Variants in EYS observed in about 807,000 individuals in gnomAD.
EYS encodes protein eyes shut homolog.
EYS carries 250 observed loss-of-function variants against 282.1 expected under a neutral mutation model. That is an observed-to-expected ratio of 0.89 (90% CI 0.80 to 0.98). The LOEUF is 0.98. Ranked by LOEUF, EYS falls within the 50% of genes least tolerant of loss-of-function variation. The pLI is 0.00. For synonymous variants in EYS, 1,355 were observed against 1,282.9 expected (o/e 1.06, Z -1.20); for missense variants, 4,016 against 3,709.0 (o/e 1.08, Z -2.15).
In EYS at chr6:65,405,354, C is replaced by T; in HGVS notation, c.876G>A (p.Glu292=). ...GAGAAACACAAGGTTTTGCTGACAC[C>T]TCACAGAATGGACCTTAAAAAAATC... is the stretch of plus-strand genomic sequence containing the variant. ...CDEQFSGPFC[E]VSAKPCVSLL... The change falls in exon 6 of 43, where the codon GAG becomes GAA. Residue 292 remains glutamate, a synonymous_variant. Transcript: ENST00000503581. 1.2e-6 allele frequency: 2 copies of T among 1,606,898 alleles called. No homozygotes were observed. Among genetic ancestry groups the T allele is most frequent in the Non-Finnish European group, 1.7e-6 (2 of 1,177,060 alleles).
intron 26 of EYS, among the ~76,000 whole-genome samples, chr6:64,460,533 T>C (rs111999065): frequency 0.02 from 3,116 of 152,328 alleles, 87 homozygotes; most frequent in African/African-American, 0.063. Flanking sequence ...GTCACATAGA[T>C]TCCTTATGCT....
At chr6:63,960,442 T>C (rs1766009604) in intron 35 of EYS, among the ~76,000 whole-genome samples, 1 of 152,212 alleles carries the variant, frequency 6.6e-6, no homozygotes, top group Non-Finnish European at 1.5e-5. Context: ...TGAATATTGT[T>C]GAAATGATGA....
chr6:63,722,277 C>T (rs980172613), intron 42 of EYS, among the ~76,000 whole-genome samples: 1 of 152,054 alleles, frequency 6.6e-6, no homozygotes, highest in Admixed American at 6.6e-5. Context: ...CGCCTGTTTT[C>T]TAGGAACACT....
chr6:65,452,627 C>T (rs1764446909), intron 5 of EYS, among the ~76,000 whole-genome samples: 1 of 152,040 alleles, frequency 6.6e-6, no homozygotes, highest in African/African-American at 2.4e-5. Context: ...TTGCAGACTA[C>T]TGCTAAAGTC....
chr6:63,872,399 T>A (rs2149713226), intron 35 of EYS, among the ~76,000 whole-genome samples: 2 of 151,888 alleles, frequency 1.3e-5, no homozygotes, highest in African/African-American at 4.8e-5. Flanking sequence ...TATGTGTGTC[T>A]TCTGATTTGT....
rs562431229 is a variant in EYS at position 65,181,198 on chromosome 6, T to C, written c.2023+114665A>G. On this transcript the variant is annotated intron_variant, in intron 12 of 42. Coordinates refer to ENST00000503581, the MANE Select transcript of EYS (RefSeq NM_001142800.2). Reference sequence around the variant, plus strand: ...AAAGCAATGGCAACAAAAGCCAAAATTGACAAATGGGATCTAATTAAACTA... The same window carrying C: ...AAAGCAATGGCAACAAAAGCCAAAACTGACAAATGGGATCTAATTAAACTA... Among the ~76,000 whole-genome samples, 8 of 152,156 alleles carry C rather than the reference T, an allele frequency of 5.3e-5. No individual in the cohort carries two copies. In the East Asian group the frequency reaches 1.4e-3, roughly 26 times the overall value.
chr6:65,504,664 T>G (rs2127280421), intron 2 of EYS, among the ~76,000 whole-genome samples: 1 of 151,706 alleles, frequency 6.6e-6, no homozygotes, highest in African/African-American at 2.4e-5. Context: ...ATAAAAAATT[T>G]TTCCTTTAGA....
chr6:65,684,410 G>C (rs1768934615), intron 1 of EYS, among the ~76,000 whole-genome samples: 1 of 151,912 alleles, frequency 6.6e-6, no homozygotes, highest in Non-Finnish European at 1.5e-5. Context: ...AAAGCCAAAC[G>C]TGGGAGCACG....
intron 12 of EYS, among the ~76,000 whole-genome samples, chr6:65,274,762 T>C (rs1171396482): frequency 1.3e-5 from 2 of 152,136 alleles, no homozygotes; most frequent in East Asian, 3.9e-4. Flanking sequence ...GTAAGACATT[T>C]ACATATCAGA....
At chr6:64,703,184 G>A (rs1417019505) in intron 22 of EYS, among the ~76,000 whole-genome samples, 1 of 151,648 alleles carries the variant, frequency 6.6e-6, no homozygotes, top group African/African-American at 2.4e-5. Context: ...AGAGCAGGTA[G>A]CATGAGGTTC....
chr6:64,407,527 CT>C (rs1773758782), intron 28 of EYS, among the ~76,000 whole-genome samples: 1 of 152,080 alleles, frequency 6.6e-6, no homozygotes, highest in Non-Finnish European at 1.5e-5. Flanking sequence ...GCTGGAATAT[CT>C]TGGTATACTT....
chr6:64,975,998 A>T (rs1284544640), intron 14 of EYS, among the ~76,000 whole-genome samples: 1 of 151,916 alleles, frequency 6.6e-6, no homozygotes, highest in Non-Finnish European at 1.5e-5. Context: ...AGTTCAAATA[A>T]CATTTTAAAA....
At chr6:64,658,613 GA>G (rs1322671998) in intron 22 of EYS, among the ~76,000 whole-genome samples, 1 of 152,186 alleles carries the variant, frequency 6.6e-6, no homozygotes, top group African/African-American at 2.4e-5. Context: ...GTTTGCTGGA[GA>G]TCCACTCCAG....
At chr6:64,314,429 A>G (rs1173843061) in intron 29 of EYS, among the ~76,000 whole-genome samples, 1 of 152,194 alleles carries the variant, frequency 6.6e-6, no homozygotes, top group East Asian at 1.9e-4. Context: ...CCGCATAATA[A>G]TAGTGGGAGA....
intron 29 of EYS, chr6:64,377,999 T>C (rs996727825): frequency 6.6e-6 from 1 of 152,190 alleles, no homozygotes; most frequent in Non-Finnish European, 1.5e-5. Context: ...AACTTACAGC[T>C]GACCCTAGCC....
At chr6:64,257,784 TG>T (rs1767450785) in intron 30 of EYS, among the ~76,000 whole-genome samples, 2 of 151,864 alleles carry the variant, frequency 1.3e-5, no homozygotes, top group Non-Finnish European at 1.5e-5. Flanking sequence ...ATGATGATGA[TG>T]ATGATGATGA....
At chr6:64,955,741 G>A (rs1256844680) in intron 14 of EYS, among the ~76,000 whole-genome samples, 1 of 152,158 alleles carries the variant, frequency 6.6e-6, no homozygotes, top group Admixed American at 6.5e-5. Context: ...TAGATGCAAC[G>A]TCCCCGGGGG....
chr6:65,486,199 GC>G (rs1282225624), intron 5 of EYS, among the ~76,000 whole-genome samples: 2 of 152,144 alleles, frequency 1.3e-5, no homozygotes, highest in Non-Finnish European at 2.9e-5. Flanking sequence ...AACTGTAGTT[GC>G]AAAATTCACA....
chr6:64,349,863 A>G (rs1158511235), intron 29 of EYS, among the ~76,000 whole-genome samples: 1 of 151,674 alleles, frequency 6.6e-6, no homozygotes, highest in Non-Finnish European at 1.5e-5. Flanking sequence ...TAAAATATGT[A>G]GTTTTTTTCC....
Sources: gnomAD v4.1 joint callset for allele counts (sites outside exome capture counted in the v4.1 genomes callset) on GRCh38, gnomAD v4.1.1 for gene constraint, MANE v1.5 for transcripts, NCBI Gene and HGNC (gene_info 2026-07-23, HGNC 2026-07-21) for gene names.